The following ETNK2 variants were observed in gnomAD, a reference collection of about 807,000 sequenced individuals.
ETNK2 encodes the protein ethanolamine kinase-like protein.
Under a neutral mutation model 46.2 loss-of-function variants are expected in ETNK2, and 33 were observed. The observed-to-expected ratio is 0.71, with a 90% CI of 0.54 to 0.96. The LOEUF is 0.96. Among genes scored for constraint, ETNK2 ranks in the 40% least tolerant of loss-of-function variants. The pLI is 0.00. For synonymous variants in ETNK2, 194 were observed against 209.0 expected, an observed-to-expected ratio of 0.93 and a Z score of 0.62; for missense variants, 445 against 509.7, an observed-to-expected ratio of 0.87 and a Z score of 1.22.
chr1:204,151,747 T>G lies in ETNK2; in HGVS notation c.106A>C (p.Ser36Arg), dbSNP rs1405359338. 1.3e-6 allele frequency: 2 copies of G among 1,528,716 alleles called. No homozygotes were observed. Among genetic ancestry groups the G allele is most frequent in the African/African-American group, 2.8e-5 (2 of 71,586 alleles). 94.7% of individuals were successfully genotyped at this position (1,528,716 alleles called of 1,614,324 possible). ...CCCGGCGGCTCCCGGCAGCTGGCGC[T>G]GGCCGCCGCCTTCTCCTCCATGCCC... is the stretch of plus-strand genomic sequence containing the variant. The part of the protein sequence containing the change: ...SWGMEEKAAA[S>R]ASCREPPGPP... Residue 36 changes from serine to arginine, a missense_variant, in exon 1 of 8, where the codon AGC becomes CGC. Transcript: ENST00000367202. This position sits in a 1 kb window ranked among gnomAD's most constrained non-coding sequence, Gnocchi z 8.0.
intron 6 of ETNK2, among the ~76,000 whole-genome samples, chr1:204,136,877 G>A (rs1657306881): frequency 2.0e-5 from 3 of 152,220 alleles, no homozygotes; most frequent in Admixed American, 2.0e-4. Context: ...AAAGGAGAGA[G>A]CCTAGACTTG....
At chr1:204,136,997 C>T (rs906527942) in intron 6 of ETNK2, 107 bp downstream of exon 6, 1 of 1,477,602 alleles carries the variant, frequency 6.8e-7, no homozygotes. Flanking sequence ...ATGGGTGTCC[C>T]CAGGCTCTCA....
At chr1:204,141,939 C>CA (rs1212111875) in intron 3 of ETNK2, 1 of 160,566 alleles carries the variant, frequency 6.2e-6, no homozygotes, top group Non-Finnish European at 1.4e-5. Flanking sequence ...AGCTGACTCC[C>CA]ACAAAGATCC....
intron 3 of ETNK2, 69 bp from the exon 4 acceptor site, chr1:204,141,526 C>G (rs1419037505): frequency 6.6e-7 from 1 of 1,516,288 alleles, no homozygotes; most frequent in Non-Finnish European, 8.9e-7. Context: ...CTCAAGAGCC[C>G]TGAATCTGAG....
At position 204,151,620 on chromosome 1, in the gene ETNK2, C is replaced by T; in HGVS notation, c.233G>A (p.Trp78Ter). 6.5e-7 allele frequency: 1 copy of T among 1,548,618 alleles called. No homozygotes were observed. The highest frequency in any genetic ancestry group is 1.2e-5 in the South Asian group (1 of 84,048). Residue 78 changes from tryptophan to a stop codon, truncating the protein, a stop_gained, in exon 1 of 8, where the codon TGG becomes TAG. Coordinates refer to ENST00000367202, the MANE Select transcript of ETNK2 (RefSeq NM_018208.4). LOFTEE classifies it high-confidence loss of function. The surrounding 1 kb of genome is among the most constrained non-coding windows in gnomAD (Gnocchi z 8.0). ...CTTGGTCCGAACTTGCTCGGGTTTC[C>T]AATGCGGCCGCAGCTCCTGGATGAG... ...LRLIQELRPH[W>*]KPEQVRTKRF...
intron 3 of ETNK2, among the ~76,000 whole-genome samples, chr1:204,144,512 C>A (rs1657703288): frequency 6.6e-6 from 1 of 152,056 alleles, no homozygotes; most frequent in African/African-American, 2.4e-5. Flanking sequence ...GGTCTTCCTA[C>A]CTCAAATCCA....
At position 204,151,808 on chromosome 1, in the gene ETNK2, G is replaced by C; in HGVS notation, c.45C>G (p.His15Gln). The change falls in exon 1 of 8, where the codon CAC (histidine) becomes CAG (glutamine). Residue 15 changes from histidine to glutamine, a missense_variant. Physicochemically the swap from His to Gln is conservative, Grantham distance 24. Coordinates refer to ENST00000367202, the MANE Select transcript of ETNK2 (RefSeq NM_018208.4). The surrounding 1 kb of genome is among the most constrained non-coding windows in gnomAD (Gnocchi z 8.0). ...PSAPQPRASF[H>Q]LRRHTPCPQC... ...GCGGGCAAGGCGTGTGCCTCCTCAG[G>C]TGAAAGGACGCGCGCGGCTGAGGGG... 2.0e-6 allele frequency: 3 copies of C among 1,487,240 alleles called. No individual in the cohort carries two copies. Among genetic ancestry groups the C allele is most frequent in the East Asian group, 2.5e-5 (1 of 39,250 alleles). The allele number at this position is 1,487,240 out of a possible 1,614,324, so 92.1% of individuals were successfully genotyped here.
intron 3 of ETNK2, among the ~76,000 whole-genome samples, chr1:204,144,514 T>G (rs1571627215): frequency 6.6e-6 from 1 of 152,012 alleles, no homozygotes; most frequent in African/African-American, 2.4e-5. Flanking sequence ...TCTTCCTACC[T>G]CAAATCCACC....
chr1:204,140,780 C>T (rs978616053), intron 4 of ETNK2, among the ~76,000 whole-genome samples: 1 of 151,512 alleles, frequency 6.6e-6, no homozygotes, highest in Admixed American at 6.6e-5. Context: ...GCCTTAGCCT[C>T]CCAAAGTGCT....
chr1:204,143,300 G>C (rs1032132164), intron 3 of ETNK2, among the ~76,000 whole-genome samples: 2 of 151,944 alleles, frequency 1.3e-5, no homozygotes, highest in African/African-American at 4.8e-5. Flanking sequence ...TCAGGTCCCG[G>C]CCTGAAAAAC....
Position 204,151,647 on chromosome 1 carries a change from C to G in ETNK2, c.206G>C (p.Arg69Pro). 6.5e-7 allele frequency: 1 copy of G among 1,549,266 alleles called. No homozygotes were observed. Among genetic ancestry groups the G allele is most frequent in the Non-Finnish European group, 8.7e-7 (1 of 1,146,360 alleles). ...ATGCGGCCGCAGCTCCTGGATGAGG[C>G]GCAGGGCCCCGGGAAGGATGTCGTC... is the stretch of plus-strand genomic sequence containing the variant. ...DPDDILPGAL[R>P]LIQELRPHWK... is the part of the protein sequence containing the mutation. Residue 69 changes from arginine to proline, a missense_variant, in exon 1 of 8, where the codon CGC becomes CCC. Transcript: ENST00000367202. The surrounding 1 kb of genome is among the most constrained non-coding windows in gnomAD (Gnocchi z 8.0).
At position 204,152,044 on chromosome 1, in the gene ETNK2, T is replaced by C. The variant is rs897208035; in HGVS notation, c.-192A>G. On this transcript the variant is annotated 5_prime_UTR_variant, in exon 1 of 8. Coordinates refer to ENST00000367202, the MANE Select transcript of ETNK2 (RefSeq NM_018208.4). This position sits in a 1 kb window ranked among gnomAD's most constrained non-coding sequence, Gnocchi z 4.2. ...GGAGCGCCGCGGCCCGCCGCGATTG[T>C]GACATCACGGGCGGTGGCCCGCGGG... The C allele has an allele frequency of 1.3e-5, 6 of 466,906 alleles. No individual in the cohort carries two copies. The highest frequency in any genetic ancestry group is 1.2e-4 in the African/African-American group (6 of 48,624). 28.9% of individuals were successfully genotyped at this position (466,906 alleles called of 1,614,324 possible). A position where few individuals can be genotyped will look rare whatever the true frequency, so the allele number is the denominator to read the frequency against.
chr1:204,145,239 G>T (rs532923304), intron 3 of ETNK2, among the ~76,000 whole-genome samples: 1 of 152,296 alleles, frequency 6.6e-6, no homozygotes, highest in East Asian at 1.9e-4. Flanking sequence ...AAGAGATTGG[G>T]CCAGCTCTTC....
chr1:204,151,901 G>A lies in ETNK2; in HGVS notation c.-49C>T, dbSNP rs961455043. ...AGCCGCGGCAGACGCTAGCCCCGGCGGGGGGGTCCGGCGAGGGAGTGGGAG... is the reference window on the plus strand; with the variant it reads ...AGCCGCGGCAGACGCTAGCCCCGGCAGGGGGGTCCGGCGAGGGAGTGGGAG... On this transcript the variant is annotated 5_prime_UTR_variant, in exon 1 of 8. Coordinates refer to ENST00000367202, the MANE Select transcript of ETNK2 (RefSeq NM_018208.4). This position sits in a 1 kb window ranked among gnomAD's most constrained non-coding sequence, Gnocchi z 8.0. 1 of 1,402,764 alleles carries A rather than the reference G, an allele frequency of 7.1e-7. No homozygotes were observed. The highest frequency in any genetic ancestry group is 1.5e-5 in the African/African-American group (1 of 65,388). The allele number at this position is 1,402,764 out of a possible 1,614,324, so 86.9% of individuals were successfully genotyped here. A position where few individuals can be genotyped will look rare whatever the true frequency, so the allele number is the denominator to read the frequency against.
rs193048447 is a variant in ETNK2, at chr1:204,140,175, T to C, written c.785-57A>G. The C allele has an allele frequency of 4.8e-4, 707 of 1,466,314 alleles. 5 individuals are homozygous for C. In the African/African-American group the frequency reaches 8.5e-3, roughly 18 times the overall value. The allele number at this position is 1,466,314 out of a possible 1,614,324, so 90.8% of individuals were successfully genotyped here. Reference sequence around the variant, plus strand: ...GCCCAGGAGATCTGGCAACAGAGCCTGGTCAAGCTTCCACAGACCTCTGGG... The same window carrying C: ...GCCCAGGAGATCTGGCAACAGAGCCCGGTCAAGCTTCCACAGACCTCTGGG... On this transcript the variant is annotated intron_variant, in intron 4 of 7. Coordinates refer to ENST00000367202, the MANE Select transcript of ETNK2 (RefSeq NM_018208.4).
rs1222328289 is a variant in ETNK2 at position 204,149,849 on chromosome 1, C to T, written c.372G>A (p.Arg124=). 7 of 1,602,958 alleles carry T rather than the reference C, an allele frequency of 4.4e-6. No individual in the cohort carries two copies. The highest frequency in any genetic ancestry group is 6.0e-6 in the Non-Finnish European group (7 of 1,175,082). Residue 124 remains arginine, a synonymous_variant, in exon 2 of 8, where the codon CGG becomes CGA. Coordinates refer to ENST00000367202, the MANE Select transcript of ETNK2 (RefSeq NM_018208.4). The stretch of plus-strand genomic sequence containing the variant: ...GCTGGAAGTTTCTGACCTCATTCTC[C>T]CGGTCCACCAGCAGCTCCGTCCGCT... ...YGERTELLVD[R]ENEVRNFQLL...
intron 6 of ETNK2, among the ~76,000 whole-genome samples, chr1:204,135,014 G>T (rs918618690): frequency 3.3e-5 from 5 of 152,148 alleles, no homozygotes; most frequent in African/African-American, 4.8e-5. Context: ...ATGGTCAGTG[G>T]GGGGCTGGAG....
intron 2 of ETNK2, chr1:204,147,561 A>T: frequency 1.9e-6 from 1 of 532,180 alleles, no homozygotes; most frequent in Non-Finnish European, 3.9e-6. Flanking sequence ...CCGCTGTCCC[A>T]CCCCCCAACC....
rs1356164803 is a variant in ETNK2 at position 204,132,194 on chromosome 1, A to G, written c.1151T>C (p.Met384Thr). 3 of 1,572,240 alleles carry G rather than the reference A, an allele frequency of 1.9e-6. No individual in the cohort carries two copies. The highest frequency in any genetic ancestry group is 3.7e-5 in the Admixed American group (2 of 53,606). Reference sequence around the variant, plus strand: ...GGATGGGGTGGCTGGTCACTTTGGCATCTCCAAGGCTGACGCTTGAGGCTT... The same window carrying G: ...GGATGGGGTGGCTGGTCACTTTGGCGTCTCCAAGGCTGACGCTTGAGGCTT... ...KVKPQASALE[M>T]PK Residue 384 changes from methionine (M) to threonine (T), a missense_variant, in exon 8 of 8, where the codon ATG (methionine) becomes ACG (threonine). Met to Thr is a moderately conservative substitution (Grantham distance 81, BLOSUM62 -1). Transcript: ENST00000367202.
Sources: allele counts gnomAD v4.1 joint callset (sites outside exome capture counted in the v4.1 genomes callset), GRCh38; gene constraint gnomAD v4.1.1; non-coding constraint Gnocchi (gnomAD v3.1); transcripts MANE v1.5; gene names NCBI Gene and HGNC (gene_info 2026-07-23, HGNC 2026-07-21).